RHOT1: variants seen among roughly 807,000 people sequenced by gnomAD.
The protein encoded by RHOT1 is ras homolog family member T1.
In RHOT1, 27 loss-of-function variants were observed where a neutral mutation model predicts 95.3. That is an observed-to-expected ratio of 0.28 (90% confidence interval 0.21 to 0.39). The LOEUF (loss-of-function observed/expected upper bound fraction) is 0.39, where lower values mean the gene tolerates loss of function less well. Among genes scored for constraint, RHOT1 ranks in the 10% least tolerant of loss-of-function variants. RHOT1 has a pLI of 1.00. For missense variants in RHOT1, 578 were observed against 786.7 expected, an observed-to-expected ratio of 0.73 and a Z score of 3.17; for synonymous variants, 227 against 263.5, an observed-to-expected ratio of 0.86 and a Z score of 1.34.
intron 19 of RHOT1, chr17:32,222,769 C>A: frequency 1.3e-6 from 1 of 758,596 alleles, no homozygotes; most frequent in Non-Finnish European, 1.6e-6. Flanking sequence ...GTTAAGAGCC[C>A]GGATAGCTGA....
intron 1 of RHOT1, among the ~76,000 whole-genome samples, chr17:32,148,197 G>A (rs1163287316): frequency 2.0e-5 from 3 of 151,970 alleles, no homozygotes; most frequent in Non-Finnish European, 2.9e-5. Context: ...TCCGGGAGGC[G>A]GAGTTTGCAG....
intron 18 of RHOT1, chr17:32,209,235 A>G (rs2037964880): frequency 1.9e-6 from 1 of 514,660 alleles, no homozygotes. Flanking sequence ...AGATGCAACA[A>G]ACCCTTGAAT....
At chr17:32,151,034 G>A in intron 1 of RHOT1, 1 of 1,443,082 alleles carries the variant, frequency 6.9e-7, no homozygotes, top group Non-Finnish European at 9.5e-7. Flanking sequence ...GGGGAAGAGG[G>A]GAGATTGTGG....
At chr17:32,165,534 AAGT>A (rs999708033) in intron 1 of RHOT1, among the ~76,000 whole-genome samples, 3 of 151,822 alleles carry the variant, frequency 2.0e-5, no homozygotes, top group Non-Finnish European at 4.4e-5. Flanking sequence ...AAAAAAAAAA[AAGT>A]TACTGATCTT....
At chr17:32,199,370 A>T (rs769871356) in intron 12 of RHOT1, 35 bp from the exon 13 acceptor site, 2 of 1,579,016 alleles carry the variant, frequency 1.3e-6, no homozygotes, top group South Asian at 1.2e-5. Flanking sequence ...ATTATCTTAG[A>T]TATCTAAACA....
At chr17:32,147,991 C>T (rs1166059429) in intron 1 of RHOT1, among the ~76,000 whole-genome samples, 4 of 152,158 alleles carry the variant, frequency 2.6e-5, no homozygotes, top group Middle Eastern at 3.4e-3. Context: ...AAGGGTGGGG[C>T]GCAGTGGCTC....
At chr17:32,219,134 A>T (rs538248935) in intron 19 of RHOT1, among the ~76,000 whole-genome samples, 1 of 152,186 alleles carries the variant, frequency 6.6e-6, no homozygotes, top group Non-Finnish European at 1.5e-5. Context: ...GGAAATTCAA[A>T]TACATTTCTG....
chr17:32,217,748 C>T (rs1002412434), intron 19 of RHOT1, among the ~76,000 whole-genome samples: 5 of 142,870 alleles, frequency 3.5e-5, no homozygotes, highest in African/African-American at 1.0e-4. Flanking sequence ...ACCAAGACTC[C>T]ATCTCAAAAA....
At chr17:32,210,513 T>C (rs2038056777) in intron 18 of RHOT1, among the ~76,000 whole-genome samples, 1 of 152,180 alleles carries the variant, frequency 6.6e-6, no homozygotes, top group Admixed American at 6.5e-5. Flanking sequence ...AACCCTATAT[T>C]TTATTTGAGT....
chr17:32,200,132 A>C (rs1359968969), intron 13 of RHOT1, among the ~76,000 whole-genome samples: 1 of 152,046 alleles, frequency 6.6e-6, no homozygotes, highest in Admixed American at 6.6e-5. Context: ...ATATATCTTA[A>C]TGTTAAATAA....
At chr17:32,166,265 A>G (rs2034078896) in intron 1 of RHOT1, among the ~76,000 whole-genome samples, 1 of 152,066 alleles carries the variant, frequency 6.6e-6, no homozygotes, top group Non-Finnish European at 1.5e-5. Flanking sequence ...AAAAATGTAC[A>G]TACCTTAATT....
chr17:32,211,283 CA>C, intron 19 of RHOT1, 45 bp downstream of exon 19: 2 of 1,516,466 alleles, frequency 1.3e-6, no homozygotes, highest in Non-Finnish European at 1.8e-6. Flanking sequence ...TGTTAAAATA[CA>C]AAAGAAAAAA....
intron 1 of RHOT1, chr17:32,143,012 C>A: frequency 2.8e-6 from 2 of 707,132 alleles, no homozygotes; most frequent in East Asian, 5.5e-5. Flanking sequence ...CCTATTAGCC[C>A]TAACCGCCCG....
Position 32,182,796 on chromosome 17 carries a change from G to A in RHOT1, c.369G>A (p.Val123=). ...LILVGNKSDL[V]EYSSMETILP... is the part of the protein sequence containing the mutation. ...TGGTTGGGAACAAATCTGATCTGGT[G>A]GAATATAGTAGTATGGAGACCATCC... The change falls in exon 7 of 20, where the codon GTG becomes GTA. Residue 123 remains valine (V), a synonymous_variant. Coordinates refer to ENST00000545287, the MANE Select transcript of RHOT1 (RefSeq NM_001033566.3). 2 of 1,607,820 alleles carry A rather than the reference G, an allele frequency of 1.2e-6. No homozygotes were observed. The highest frequency in any genetic ancestry group is 1.7e-6 in the Non-Finnish European group (2 of 1,176,142).
chr17:32,144,164 T>TA (rs1345335376), intron 1 of RHOT1, among the ~76,000 whole-genome samples: 1 of 152,214 alleles, frequency 6.6e-6, no homozygotes. Flanking sequence ...ACGACTTGCT[T>TA]AAAAAACTGA....
intron 11 of RHOT1, among the ~76,000 whole-genome samples, chr17:32,198,451 A>G (rs1348794277): frequency 2.0e-5 from 3 of 152,294 alleles, no homozygotes; most frequent in South Asian, 2.1e-4. Flanking sequence ...GCTTATGCCT[A>G]TAATCCCAAC....
chr17:32,223,510 G>A (rs1052153772), intron 19 of RHOT1, among the ~76,000 whole-genome samples: 37 of 151,638 alleles, frequency 2.4e-4, no homozygotes, highest in African/African-American at 9.0e-4. Flanking sequence ...CGTCTTCTAG[G>A]TTCAAGCAAT....
At position 32,208,251 on chromosome 17, in the gene RHOT1, A is replaced by G. The variant is rs1172092910; in HGVS notation, c.1681A>G (p.Thr561Ala). 12 of 1,613,998 alleles carry G rather than the reference A, an allele frequency of 7.4e-6. 1 individual carries two copies. In the South Asian group the frequency reaches 8.8e-5, roughly 12 times the overall value. Residue 561 changes from threonine to alanine, a missense_variant, in exon 18 of 20, where the codon ACT (threonine) becomes GCT (alanine). Thr to Ala is a moderately conservative substitution (Grantham distance 58). Around this residue, in one of 4 missense-constraint regions of RHOT1, gnomAD observed 296 missense variants for 338.5 expected, o/e 0.87. Transcript: ENST00000545287. ...MPPPQAFTCN[T>A]ADAPSKDIFV... ...TCCACCACAAGCCTTCACTTGCAAT[A>G]CTGCTGATGCCCCCAGTAAGGATAT...
At chr17:32,192,960 C>G (rs945843559) in intron 9 of RHOT1, among the ~76,000 whole-genome samples, 176 bp from the exon 10 acceptor site, 1 of 152,180 alleles carries the variant, frequency 6.6e-6, no homozygotes, top group Admixed American at 6.6e-5. Context: ...CCACTGCACC[C>G]AGCCCATGTT....
Sources: gnomAD v4.1 joint callset for allele counts (sites outside exome capture counted in the v4.1 genomes callset) on GRCh38, gnomAD v4.1.1 for gene constraint, gnomAD v4.1.1 regional missense constraint, MANE v1.5 for transcripts, NCBI Gene and HGNC (gene_info 2026-07-23, HGNC 2026-07-21) for gene names.